Variants in PARD3B observed in about 807,000 individuals in gnomAD.
PARD3B encodes the protein partitioning defective 3 homolog B.
In PARD3B, 103 loss-of-function variants were observed where a neutral mutation model predicts 130.2. That is an observed-to-expected ratio of 0.79 (90% CI 0.67 to 0.93). PARD3B has a LOEUF of 0.93. Among genes scored for constraint, PARD3B ranks in the 40% least tolerant of loss-of-function variants. The pLI is 0.00. For missense variants in PARD3B, 1,609 were observed against 1,499.2 expected (o/e 1.07, Z -1.21); for synonymous variants, 583 against 553.2 (o/e 1.05, Z -0.76).
At chr2:205,603,224 A>C (rs1208670306) in intron 22 of PARD3B, among the ~76,000 whole-genome samples, 1 of 151,940 alleles carries the variant, frequency 6.6e-6, no homozygotes, top group Non-Finnish European at 1.5e-5. Flanking sequence ...GGTCTCTGTT[A>C]TGATTTCAAT....
intron 20 of PARD3B, among the ~76,000 whole-genome samples, chr2:205,467,408 G>A (rs2048665924): frequency 1.3e-5 from 2 of 152,032 alleles, no homozygotes; most frequent in Non-Finnish European, 2.9e-5. Context: ...ACAACAGTGG[G>A]GCTGTTTGAC....
At chr2:205,389,836 C>T (rs1327401554) in intron 18 of PARD3B, among the ~76,000 whole-genome samples, 5 of 152,144 alleles carry the variant, frequency 3.3e-5, no homozygotes, top group Non-Finnish European at 7.3e-5. Flanking sequence ...TTATAGAAGA[C>T]ATCTTGCAGA....
At chr2:204,869,891 T>C (rs751347074) in intron 2 of PARD3B, among the ~76,000 whole-genome samples, 1 of 152,182 alleles carries the variant, frequency 6.6e-6, no homozygotes, top group Non-Finnish European at 1.5e-5. Flanking sequence ...TGTCAGAATA[T>C]CCTTGTTTTC....
chr2:205,119,522 C>G (rs2007614), intron 7 of PARD3B, among the ~76,000 whole-genome samples: 79,620 of 151,958 alleles, frequency 0.52, 21,224 homozygotes, highest in Admixed American at 0.66. Context: ...TGGTTCATGC[C>G]TGTAATCCCA....
intron 1 of PARD3B, among the ~76,000 whole-genome samples, chr2:204,660,877 G>C (rs1233063743): frequency 6.6e-6 from 1 of 152,166 alleles, no homozygotes; most frequent in Admixed American, 6.5e-5. Flanking sequence ...TTAATGTATA[G>C]AACATGCAGT....
At chr2:204,557,524 C>G (rs565816193) in intron 1 of PARD3B, among the ~76,000 whole-genome samples, 7 of 152,104 alleles carry the variant, frequency 4.6e-5, no homozygotes, top group Non-Finnish European at 1.0e-4. Flanking sequence ...TTTCTTATCT[C>G]TGTTTTTAGC....
At chr2:205,576,520 C>T (rs2053765805) in intron 22 of PARD3B, among the ~76,000 whole-genome samples, 1 of 152,060 alleles carries the variant, frequency 6.6e-6, no homozygotes, top group South Asian at 2.1e-4. Flanking sequence ...TGTGGATGTC[C>T]AGTTGTTCCA....
intron 4 of PARD3B, among the ~76,000 whole-genome samples, chr2:205,084,869 A>T (rs1701646249): frequency 6.6e-6 from 1 of 152,018 alleles, no homozygotes; most frequent in African/African-American, 2.4e-5. Flanking sequence ...TATAAGAATA[A>T]ATAATAAACT....
intron 2 of PARD3B, among the ~76,000 whole-genome samples, chr2:204,758,077 T>C (rs553670510): frequency 6.6e-6 from 1 of 152,302 alleles, no homozygotes; most frequent in East Asian, 1.9e-4. Flanking sequence ...GGCCACACCA[T>C]ATGCATTCAG....
chr2:205,358,193 C>A (rs892989533), intron 18 of PARD3B, among the ~76,000 whole-genome samples: 1 of 152,116 alleles, frequency 6.6e-6, no homozygotes, highest in Non-Finnish European at 1.5e-5. Context: ...GAACTGTATA[C>A]GTGCTTTCTT....
chr2:205,596,807 C>T (rs2054588184), intron 22 of PARD3B, among the ~76,000 whole-genome samples: 1 of 152,062 alleles, frequency 6.6e-6, no homozygotes, highest in African/African-American at 2.4e-5. Context: ...TCCTGCCCTC[C>T]CTGCAATTGA....
intron 2 of PARD3B, among the ~76,000 whole-genome samples, chr2:204,944,674 T>A (rs1439992650): frequency 6.6e-6 from 1 of 152,236 alleles, no homozygotes; most frequent in East Asian, 1.9e-4. Flanking sequence ...ACTTTTAACT[T>A]AAAAATAGTG....
chr2:205,615,003 G>A (rs977631020), intron 22 of PARD3B, among the ~76,000 whole-genome samples: 1 of 152,150 alleles, frequency 6.6e-6, no homozygotes. Flanking sequence ...AAAGGGGAGG[G>A]AACTAATGAC....
intron 2 of PARD3B, among the ~76,000 whole-genome samples, chr2:204,711,015 T>C (rs2038406857): frequency 1.3e-5 from 2 of 152,224 alleles, no homozygotes; most frequent in South Asian, 4.1e-4. Context: ...CTTTGTAGAA[T>C]TAAGCAAATC....
At chr2:204,708,257 C>G (rs909421740) in intron 2 of PARD3B, among the ~76,000 whole-genome samples, 2 of 152,118 alleles carry the variant, frequency 1.3e-5, no homozygotes, top group African/African-American at 4.8e-5. Context: ...GATCCTCCTG[C>G]CTCAGCCTGT....
At chr2:205,386,690 G>A (rs1162610934) in intron 18 of PARD3B, among the ~76,000 whole-genome samples, 1 of 147,466 alleles carries the variant, frequency 6.8e-6, no homozygotes, top group Non-Finnish European at 1.5e-5. Context: ...AGATTTTTCA[G>A]TTCATAATTG....
At chr2:205,096,211 G>A (rs1021684453) in intron 4 of PARD3B, among the ~76,000 whole-genome samples, 1 of 152,004 alleles carries the variant, frequency 6.6e-6, no homozygotes, top group Non-Finnish European at 1.5e-5. Context: ...GGTGCATTAT[G>A]ACATTTTATG....
At chr2:205,016,460 C>G (rs150754886) in intron 3 of PARD3B, among the ~76,000 whole-genome samples, 209 of 152,270 alleles carry the variant, frequency 1.4e-3, no homozygotes, top group Non-Finnish European at 2.5e-3. Flanking sequence ...AGGAGACACT[C>G]AGGAACTCTT....
intron 6 of PARD3B, among the ~76,000 whole-genome samples, chr2:205,114,082 T>C (rs1219221439): frequency 6.6e-6 from 1 of 152,172 alleles, no homozygotes; most frequent in African/African-American, 2.4e-5. Context: ...CATCATGCTG[T>C]ATTTTCCTAA....
Sources: allele counts gnomAD v4.1 joint callset (sites outside exome capture counted in the v4.1 genomes callset), GRCh38; gene constraint gnomAD v4.1.1; transcripts MANE v1.5; gene names NCBI Gene and HGNC (gene_info 2026-07-23, HGNC 2026-07-21).